Variants in ITK observed in about 807,000 individuals in gnomAD.
ITK encodes the protein tyrosine-protein kinase ITK/TSK.
A neutral mutation model predicts 87.6 loss-of-function variants in ITK; 45 were observed. The ratio of observed to expected loss-of-function variants is 0.51; its 90% confidence interval spans 0.40 to 0.66. The LOEUF (loss-of-function observed/expected upper bound fraction) is 0.66, where lower values mean the gene tolerates loss of function less well. Among genes scored for constraint, ITK ranks in the 30% least tolerant of loss-of-function variants. The pLI is 0.00. For synonymous variants in ITK, 303 were observed against 273.6 expected, an observed-to-expected ratio of 1.11 and a Z score of -1.06; for missense variants, 605 against 766.3, an observed-to-expected ratio of 0.79 and a Z score of 2.48.
chr5:157,199,265 CCTTA>C (rs1268496584), intron 1 of ITK: 2 of 152,242 alleles, frequency 1.3e-5, no homozygotes, highest in African/African-American at 4.8e-5. Context: ...CCCTACTCTG[CCTTA>C]CCAGAGGAGA....
intron 15 of ITK, among the ~76,000 whole-genome samples, chr5:157,248,154 C>T (rs566188118): frequency 6.6e-6 from 1 of 152,280 alleles, no homozygotes; most frequent in Non-Finnish European, 1.5e-5. Context: ...CTCTAAGATT[C>T]TCTGGAACAA....
chr5:157,213,697 T>C (rs996152689), intron 3 of ITK: 1 of 361,388 alleles, frequency 2.8e-6, no homozygotes, highest in South Asian at 2.1e-5. Context: ...CTGTGCCTTA[T>C]GTATGTATTT....
chr5:157,219,174 G>A (rs544026587), intron 5 of ITK, among the ~76,000 whole-genome samples: 170 of 149,372 alleles, frequency 1.1e-3, no homozygotes, highest in African/African-American at 4.1e-3. Context: ...GTGCAATGGC[G>A]TGATCTCGGC....
intron 11 of ITK, 146 bp from the exon 12 acceptor site, chr5:157,243,477 T>C (rs1464835188): frequency 4.0e-6 from 3 of 743,008 alleles, no homozygotes; most frequent in East Asian, 2.6e-5. Flanking sequence ...TATGTTATTA[T>C]GTGGGAAAAA....
At chr5:157,219,190 G>A (rs1166670772) in intron 5 of ITK, among the ~76,000 whole-genome samples, 1 of 148,134 alleles carries the variant, frequency 6.8e-6, no homozygotes, top group Non-Finnish European at 1.5e-5. Context: ...TCGGCTCACT[G>A]CAACCTCCGC....
intron 1 of ITK, among the ~76,000 whole-genome samples, chr5:157,204,901 T>C (rs1206770219): frequency 6.6e-6 from 1 of 152,218 alleles, no homozygotes; most frequent in African/African-American, 2.4e-5. Context: ...GCTTCTCGCA[T>C]CTTGAATTTT....
intron 10 of ITK, chr5:157,240,579 A>G (rs1266570595): frequency 6.5e-6 from 2 of 308,550 alleles, no homozygotes; most frequent in Non-Finnish European, 6.3e-6. Flanking sequence ...TGGGTAATTT[A>G]TAAAGAAAAG....
At chr5:157,208,416 G>T (rs527756003) in intron 1 of ITK, among the ~76,000 whole-genome samples, 1 of 152,120 alleles carries the variant, frequency 6.6e-6, no homozygotes, top group East Asian at 1.9e-4. Context: ...TGGGACTGCG[G>T]ATAATTAAAG....
In ITK at chr5:157,180,907, C is replaced by T. The variant is rs1753498441; in HGVS notation, c.-71C>T. The stretch of plus-strand genomic sequence containing the variant: ...AACTGCCTCCACATTGCATTCTTTG[C>T]CCCAAAACTCTTTCCTTTGGTTGTG... On this transcript the variant is annotated 5_prime_UTR_variant, in exon 1 of 17. Transcript: ENST00000422843. 4.0e-6 allele frequency: 6 copies of T among 1,513,486 alleles called. No individual in the cohort carries two copies. In the Admixed American group the frequency reaches 6.7e-5, roughly 17 times the overall value. The allele number at this position is 1,513,486 out of a possible 1,614,324, so 93.8% of individuals were successfully genotyped here.
chr5:157,244,380 C>T lies in ITK; in HGVS notation c.1351C>T (p.Arg451Trp), dbSNP rs200331133. Residue 451 changes from arginine (R) to tryptophan (W), a missense_variant, in exon 13 of 17, where the codon CGG becomes TGG. This residue lies in a region of ITK where 464 missense variants were observed against 578.0 expected (regional missense o/e 0.80). Transcript: ENST00000422843. Reference protein sequence around the residue: ...GCLSDYLRTQRGLFAAETLLG... With the variant: ...GCLSDYLRTQWGLFAAETLLG... ...CCTGTCAGATTATCTACGCACCCAG[C>T]GGGGACTTTTTGCTGCAGAGACCCT... is the stretch of plus-strand genomic sequence containing the variant. 127 of 1,613,948 alleles carry T rather than the reference C, an allele frequency of 7.9e-5. No individual in the cohort carries two copies. The Middle Eastern group carries it at 9.9e-4, about 13-fold the overall frequency.
chr5:157,189,211 T>C (rs1753703772), intron 1 of ITK, among the ~76,000 whole-genome samples: 2 of 152,226 alleles, frequency 1.3e-5, no homozygotes, highest in Admixed American at 1.3e-4. Context: ...GTTAATGTTT[T>C]ATGGAGATAA....
At chr5:157,211,405 C>T (rs1754190011) in intron 3 of ITK, 37 bp downstream of exon 3, 1 of 1,501,360 alleles carries the variant, frequency 6.7e-7, no homozygotes, top group African/African-American at 1.4e-5. Context: ...CACTGACACT[C>T]TTGATCCTAT....
chr5:157,244,427 G>A lies in ITK; in HGVS notation c.1398G>A (p.Val466=), dbSNP rs17595896. The A allele has an allele frequency of 4.3e-6, 7 of 1,614,068 alleles. No homozygotes were observed. Among genetic ancestry groups the A allele is most frequent in the Middle Eastern group, 1.6e-4 (1 of 6,062 alleles). Residue 466 remains valine, a synonymous_variant, in exon 13 of 17, where the codon GTG becomes GTA. Transcript: ENST00000422843. ...CCCTGCTGGGCATGTGTCTGGATGT[G>A]TGTGAGGGCATGGCCTACCTGGAAG... is the stretch of plus-strand genomic sequence containing the variant. ...AETLLGMCLD[V]CEGMAYLEEA...
intron 1 of ITK, among the ~76,000 whole-genome samples, chr5:157,206,478 T>C (rs776870239): frequency 1.9e-4 from 29 of 152,320 alleles, no homozygotes; most frequent in Non-Finnish European, 2.8e-4. Context: ...CTCTTCTTTG[T>C]ACATCTGGTA....
chr5:157,229,258 T>C (rs1754599135), intron 7 of ITK, among the ~76,000 whole-genome samples: 1 of 152,224 alleles, frequency 6.6e-6, no homozygotes, highest in Non-Finnish European at 1.5e-5. Flanking sequence ...AGTTAAAGTT[T>C]GATGAGCTGT....
intron 15 of ITK, 74 bp downstream of exon 15, chr5:157,246,073 C>T: frequency 9.9e-7 from 1 of 1,007,730 alleles, no homozygotes; most frequent in Non-Finnish European, 1.6e-6. Context: ...CAAATGCAGA[C>T]AACCCTACCC....
Position 157,208,575 on chromosome 5 carries a change from C to A in ITK, c.139-314C>A, listed in dbSNP as rs201218327. Among the ~76,000 whole-genome samples, 18 of 152,252 alleles carry A rather than the reference C, an allele frequency of 1.2e-4. No individual in the cohort carries two copies. The East Asian group carries it at 3.5e-3, about 29-fold the overall frequency. On this transcript the variant is annotated intron_variant, in intron 1 of 16. Coordinates refer to ENST00000422843, the MANE Select transcript of ITK (RefSeq NM_005546.4). ...TTGTCATATGTGTGTCCATGGATTT[C>A]TCTACGCATCTCAGCTACAAGTTCT...
intron 4 of ITK, among the ~76,000 whole-genome samples, chr5:157,217,184 G>GGA (rs1754316673): frequency 6.6e-6 from 1 of 151,850 alleles, no homozygotes; most frequent in South Asian, 2.1e-4. Context: ...ATGAGAGGAA[G>GGA]GAGAGAGAGA....
intron 5 of ITK, among the ~76,000 whole-genome samples, chr5:157,219,485 C>G (rs1042402057): frequency 5.3e-5 from 8 of 152,152 alleles, no homozygotes; most frequent in Non-Finnish European, 8.8e-5. Context: ...ATTCCATTTC[C>G]TCATGCTTCT....
Sources: gnomAD v4.1 joint callset for allele counts (sites outside exome capture counted in the v4.1 genomes callset) on GRCh38, gnomAD v4.1.1 for gene constraint, gnomAD v4.1.1 regional missense constraint, MANE v1.5 for transcripts, NCBI Gene and HGNC (gene_info 2026-07-23, HGNC 2026-07-21) for gene names.